The following GRID2 variants were observed in gnomAD, a reference collection of about 807,000 sequenced individuals.
GRID2 encodes the protein glutamate receptor ionotropic, delta-2.
GRID2 carries 33 observed loss-of-function variants against 114.8 expected under a neutral mutation model. The observed-to-expected ratio is 0.29, with a 90% CI of 0.22 to 0.38. The LOEUF (loss-of-function observed/expected upper bound fraction) is 0.38, where lower values mean the gene tolerates loss of function less well. Ranked by LOEUF, GRID2 falls within the 10% of genes least tolerant of loss-of-function variation. The pLI, the probability that GRID2 is intolerant of heterozygous loss-of-function variation, is 1.00. For synonymous variants in GRID2, 505 were observed against 449.9 expected (o/e 1.12, Z -1.55); for missense variants, 1,184 against 1,257.7 (o/e 0.94, Z 0.89).
At chr4:92,319,510 C>G (rs1409248395) in intron 1 of GRID2, among the ~76,000 whole-genome samples, 1 of 152,190 alleles carries the variant, frequency 6.6e-6, no homozygotes, top group African/African-American at 2.4e-5. Flanking sequence ...TCATTCAGGC[C>G]TTTGGCCTGA....
rs1031838296 is a variant in GRID2 at position 93,708,156 on chromosome 4, C to T, written c.2361-61054C>T. ...TGTACTGAAGAGAAGAATGTATATT[C>T]TTTAGCCATTGGATGAAATGTTCTT... is the stretch of plus-strand genomic sequence containing the variant. On this transcript the variant is annotated intron_variant, in intron 14 of 15. Coordinates refer to ENST00000282020, the MANE Select transcript of GRID2 (RefSeq NM_001510.4). 2.0e-5 allele frequency among the ~76,000 whole-genome samples: 3 copies of T among 151,916 alleles called. No individual in the cohort carries two copies. The South Asian group carries it at 6.2e-4, about 31-fold the overall frequency.
intron 2 of GRID2, among the ~76,000 whole-genome samples, chr4:93,049,925 A>G (rs1690459920): frequency 1.3e-5 from 2 of 151,884 alleles, no homozygotes; most frequent in Admixed American, 1.3e-4. Context: ...TTCTTTTCCT[A>G]TGTTATTATT....
rs773190960 is a variant in GRID2, at chr4:93,455,833, A to C, written c.1717A>C (p.Ile573Leu). 6.2e-7 allele frequency: 1 copy of C among 1,613,540 alleles called. No individual in the cohort carries two copies. The highest frequency in any genetic ancestry group is 8.5e-7 in the Non-Finnish European group (1 of 1,179,538). Residue 573 changes from isoleucine to leucine, a missense_variant, in exon 11 of 16, where the codon ATT (isoleucine) becomes CTT (leucine). Ile to Leu is a conservative substitution (Grantham distance 5, BLOSUM62 2). Around this residue, in one of 3 missense-constraint regions of GRID2, gnomAD observed 717 missense variants for 796.9 expected, o/e 0.90. Coordinates refer to ENST00000282020, the MANE Select transcript of GRID2 (RefSeq NM_001510.4). ...ATTTGATCTCTCTCTATGGGCTTGC[A>C]TTGCTGGCACAGTCCTTCTGGTGGG... Reference protein sequence around the residue: ...APFDLSLWACIAGTVLLVGLL... With the variant: ...APFDLSLWACLAGTVLLVGLL...
intron 2 of GRID2, among the ~76,000 whole-genome samples, chr4:92,812,741 T>A (rs1740718105): frequency 6.6e-6 from 1 of 152,088 alleles, no homozygotes; most frequent in African/African-American, 2.4e-5. Flanking sequence ...TCTTGCAACT[T>A]GATACAGAAA....
intron 4 of GRID2, among the ~76,000 whole-genome samples, chr4:93,130,750 A>G (rs1481386789): frequency 6.6e-6 from 1 of 152,182 alleles, no homozygotes; most frequent in East Asian, 1.9e-4. Flanking sequence ...ATCCCACACC[A>G]TATATAGCCT....
In GRID2 at chr4:93,795,334, TGTAA is replaced by T. The variant is rs1198757305; in HGVS notation, c.222-11378_222-11375del. ...AGAAGCATCATGAAGAAAAAGACTA[TGTAA>T]GTGTGTATTATATATATGTTATATA... is the stretch of plus-strand genomic sequence containing the variant. On this transcript the variant is annotated intron_variant, in intron 1 of 1. Transcript: ENST00000637838. Among the ~76,000 whole-genome samples, 7 of 151,850 alleles carry T rather than the reference TGTAA, an allele frequency of 4.6e-5. No individual in the cohort carries two copies. The East Asian group carries it at 7.7e-4, about 17-fold the overall frequency.
At chr4:93,095,135 T>A (rs2149333533) in intron 3 of GRID2, among the ~76,000 whole-genome samples, 1 of 152,110 alleles carries the variant, frequency 6.6e-6, no homozygotes, top group East Asian at 1.9e-4. Flanking sequence ...AATTTTTTTT[T>A]AAGATTATAC....
At chr4:93,274,605 A>C (rs1428811192) in intron 8 of GRID2, among the ~76,000 whole-genome samples, 2 of 152,080 alleles carry the variant, frequency 1.3e-5, no homozygotes, top group Non-Finnish European at 2.9e-5. Context: ...ATAGACACTT[A>C]ACATTTGCCC....
chr4:93,282,809 CT>C (rs1752784023), intron 8 of GRID2, among the ~76,000 whole-genome samples: 1 of 151,922 alleles, frequency 6.6e-6, no homozygotes, highest in Non-Finnish European at 1.5e-5. Flanking sequence ...CCCTCACCTG[CT>C]TTTGGTGAGG....
chr4:92,752,572 G>A (rs1224593808), intron 2 of GRID2, among the ~76,000 whole-genome samples: 1 of 152,098 alleles, frequency 6.6e-6, no homozygotes, highest in African/African-American at 2.4e-5. Context: ...GGATATCTGT[G>A]AAAAAGTAAT....
intron 8 of GRID2, among the ~76,000 whole-genome samples, chr4:93,369,881 C>A (rs1250449305): frequency 3.3e-5 from 5 of 152,192 alleles, no homozygotes; most frequent in African/African-American, 1.2e-4. Context: ...ATCTGTAACA[C>A]AATGAAGCTG....
At chr4:92,443,149 C>T (rs1227166148) in intron 1 of GRID2, among the ~76,000 whole-genome samples, 2 of 151,984 alleles carry the variant, frequency 1.3e-5, no homozygotes, top group African/African-American at 2.4e-5. Flanking sequence ...TTGCACTGGG[C>T]ACAGAGACTA....
rs1364017366 is a variant in GRID2, at chr4:92,833,643, C to A, written c.244+243357C>A. ...AAGGATAACCAATTCTAAAGGACTG[C>A]CATTATCTACCATACCCTAAAATAT... On this transcript the variant is annotated intron_variant, in intron 2 of 15. Coordinates refer to ENST00000282020, the MANE Select transcript of GRID2 (RefSeq NM_001510.4). The A allele has an allele frequency of 3.9e-5, 6 of 152,236 alleles. No homozygotes were observed. The South Asian group carries it at 8.3e-4, about 21-fold the overall frequency. The allele number at this position is 152,236 out of a possible 1,614,324, so 9.4% of individuals were successfully genotyped here. A position where few individuals can be genotyped will look rare whatever the true frequency, so the allele number is the denominator to read the frequency against.
At chr4:93,303,794 G>A (rs1755125105) in intron 8 of GRID2, among the ~76,000 whole-genome samples, 3 of 152,072 alleles carry the variant, frequency 2.0e-5, no homozygotes, top group South Asian at 4.2e-4. Flanking sequence ...TACAGAACTG[G>A]TTTAGATTAC....
rs766649250 is a variant in GRID2, at chr4:92,833,315, T to C, written c.244+243029T>C. On this transcript the variant is annotated intron_variant, in intron 2 of 15. Transcript: ENST00000282020. Reference sequence around the variant, plus strand: ...GGTTGTGATAAAGAACAGTAGAGTCTAAAGTTATACAAGACTCTGGGATGT... The same window carrying C: ...GGTTGTGATAAAGAACAGTAGAGTCCAAAGTTATACAAGACTCTGGGATGT... 6.6e-5 allele frequency among the ~76,000 whole-genome samples: 10 copies of C among 152,298 alleles called. No homozygotes were observed. In the East Asian group the frequency reaches 1.5e-3, roughly 24 times the overall value.
At chr4:92,916,532 C>A (rs1257473478) in intron 2 of GRID2, among the ~76,000 whole-genome samples, 2 of 151,958 alleles carry the variant, frequency 1.3e-5, no homozygotes, top group Non-Finnish European at 2.9e-5. Context: ...CACAACAGGC[C>A]CTCGTGTGTG....
chr4:92,352,979 T>C (rs1306227169), intron 1 of GRID2, among the ~76,000 whole-genome samples: 1 of 151,782 alleles, frequency 6.6e-6, no homozygotes, highest in African/African-American at 2.4e-5. Flanking sequence ...ATTATATCTT[T>C]CTCTTTCTCT....
chr4:92,305,989 C>G (rs1725382741), intron 1 of GRID2, among the ~76,000 whole-genome samples: 1 of 152,154 alleles, frequency 6.6e-6, no homozygotes, highest in African/African-American at 2.4e-5. Flanking sequence ...AGCTTCTCCC[C>G]TTTCTGTACC....
intron 14 of GRID2, among the ~76,000 whole-genome samples, chr4:93,755,367 A>G (rs1288577281): frequency 6.6e-6 from 1 of 152,218 alleles, no homozygotes; most frequent in Non-Finnish European, 1.5e-5. Flanking sequence ...GAAGTAGAGC[A>G]GTAACACATC....
Sources: gnomAD v4.1 joint callset for allele counts (sites outside exome capture counted in the v4.1 genomes callset) on GRCh38, gnomAD v4.1.1 for gene constraint, gnomAD v4.1.1 regional missense constraint, MANE v1.5 for transcripts, NCBI Gene and HGNC (gene_info 2026-07-23, HGNC 2026-07-21) for gene names.